Variants in RNF212B observed in about 807,000 individuals in gnomAD.
RNF212B encodes the protein ring finger protein 212B, also known as E3 ubiquitin-protein ligase RNF212B.
In RNF212B, 52 loss-of-function variants were observed where a neutral mutation model predicts 55.5. The observed-to-expected ratio is 0.94, with a 90% CI of 0.75 to 1.18. The LOEUF (loss-of-function observed/expected upper bound fraction) is 1.18, where lower values mean the gene tolerates loss of function less well. Ranked by LOEUF, RNF212B falls within the 50% of genes most tolerant of loss-of-function variation. RNF212B has a pLI of 0.00. For missense variants in RNF212B, 289 were observed against 350.4 expected (o/e 0.82, Z 1.40); for synonymous variants, 99 against 121.4 (o/e 0.82, Z 1.21).
intron 2 of RNF212B, among the ~76,000 whole-genome samples, chr14:23,232,791 G>GGC (rs1882798788): frequency 6.7e-6 from 1 of 149,448 alleles, no homozygotes; most frequent in Admixed American, 6.6e-5. Context: ...AGGTGGGGGG[G>GGC]GGGTCAGCCT....
intron 4 of RNF212B, among the ~76,000 whole-genome samples, chr14:23,247,840 G>GA (rs1222143032): frequency 6.6e-6 from 1 of 152,070 alleles, no homozygotes; most frequent in Non-Finnish European, 1.5e-5. Flanking sequence ...ACTTTTTTAG[G>GA]AACTGCCAGA....
upstream of RNF212B, among the ~76,000 whole-genome samples, chr14:23,236,615 T>G (rs1883121081): frequency 6.6e-6 from 1 of 152,160 alleles, no homozygotes; most frequent in South Asian, 2.1e-4. Context: ...CAAATAATAT[T>G]TAAAAATTTC....
At chr14:23,247,495 T>C (rs1314593724) in intron 4 of RNF212B, among the ~76,000 whole-genome samples, 1 of 150,460 alleles carries the variant, frequency 6.6e-6, no homozygotes, top group Non-Finnish European at 1.5e-5. Context: ...TTCATAAATA[T>C]GGAATCATAT....
At chr14:23,215,194 G>A (rs1005584988) in intron 2 of RNF212B, among the ~76,000 whole-genome samples, 10 of 151,910 alleles carry the variant, frequency 6.6e-5, no homozygotes, top group African/African-American at 1.9e-4. Context: ...CCACCCCTCT[G>A]CCTCTCCTGT....
chr14:23,252,968 G>T (rs1236220504), intron 4 of RNF212B, among the ~76,000 whole-genome samples: 1 of 152,086 alleles, frequency 6.6e-6, no homozygotes, highest in African/African-American at 2.4e-5. Flanking sequence ...AGCCAAGCAT[G>T]TAATTCTTGT....
At chr14:23,242,081 CAAAAAAAAAAA>C (rs58497672) in intron 2 of RNF212B, among the ~76,000 whole-genome samples, 1 of 36,644 alleles carries the variant, frequency 2.7e-5, no homozygotes, top group Non-Finnish European at 4.9e-5. Context: ...GACTCCGTCT[CAAAAAAAAAAA>C]AAAAAAAAAA....
chr14:23,208,971 G>T (rs915125100), intron 2 of RNF212B, among the ~76,000 whole-genome samples: 25 of 151,590 alleles, frequency 1.6e-4, no homozygotes, highest in African/African-American at 5.8e-4. Flanking sequence ...TGTTAGCCGG[G>T]ATGGTCTCGA....
Position 23,269,954 on chromosome 14 carries a change from A to C in RNF212B, c.766A>C (p.Asn256His). The C allele has an allele frequency of 6.6e-7, 1 of 1,525,888 alleles. No individual in the cohort carries two copies. Among genetic ancestry groups the C allele is most frequent in the Non-Finnish European group, 8.9e-7 (1 of 1,124,626 alleles). The allele number at this position is 1,525,888 out of a possible 1,614,324, so 94.5% of individuals were successfully genotyped here. Residue 256 changes from asparagine (N) to histidine (H), a missense_variant, in exon 13 of 15, where the codon AAT (asparagine) becomes CAT (histidine). Transcript: ENST00000430154. ...SGHTRVLTPN[N>H]FAQRESTTTL... Reference sequence around the variant, plus strand: ...CCACACAAGAGTCCTCACCCCCAACAATTTTGGTAAGTTAAATAACATTTC... The same window carrying C: ...CCACACAAGAGTCCTCACCCCCAACCATTTTGGTAAGTTAAATAACATTTC...
At chr14:23,230,653 CAAAAAAAAAA>C (rs60122483) in intron 2 of RNF212B, among the ~76,000 whole-genome samples, 4 of 74,002 alleles carry the variant, frequency 5.4e-5, no homozygotes, top group African/African-American at 1.4e-4. Context: ...GACTCCATCT[CAAAAAAAAAA>C]AAAAAAAAAA....
chr14:23,237,751 A>AT (rs1883219386), upstream of RNF212B, among the ~76,000 whole-genome samples: 1 of 151,892 alleles, frequency 6.6e-6, no homozygotes, highest in South Asian at 2.1e-4. Context: ...AGTGAGGTGA[A>AT]TTTTCCTGGG....
Position 23,250,482 on chromosome 14 carries a change from C to CAAA in RNF212B, c.228+6099_228+6101dup, listed in dbSNP as rs34825470. 3.3e-4 allele frequency among the ~76,000 whole-genome samples: 38 copies of CAAA among 116,710 alleles called. 1 individual carries two copies. The highest frequency in any genetic ancestry group is 1.3e-3 in the East Asian group (5 of 3,866). The allele number at this position is 116,710 out of a possible 152,430, so 76.6% of individuals were successfully genotyped here. A position where few individuals can be genotyped will look rare whatever the true frequency, so the allele number is the denominator to read the frequency against. On this transcript the variant is annotated intron_variant, in intron 4 of 14. Coordinates refer to ENST00000430154, the MANE Select transcript of RNF212B (RefSeq NM_001282322.3). ...TGGGTGACAGAGCGAGACTCTGTCTCAAAAAAAAAAAAAAAGACTGAATTA... is the reference window on the plus strand; with the variant it reads ...TGGGTGACAGAGCGAGACTCTGTCTCAAAAAAAAAAAAAAAAAAGACTGAATTA...
chr14:23,216,832 A>G (rs1333623880), intron 2 of RNF212B, among the ~76,000 whole-genome samples: 1 of 117,448 alleles, frequency 8.5e-6, no homozygotes, highest in African/African-American at 3.2e-5. Flanking sequence ...GTGAGCTGAG[A>G]TTGCCCTACT....
chr14:23,228,705 A>C (rs1566411895), intron 2 of RNF212B, among the ~76,000 whole-genome samples: 1 of 151,988 alleles, frequency 6.6e-6, no homozygotes, highest in East Asian at 1.9e-4. Context: ...AAGAACAAAG[A>C]GGATCAAGAC....
At chr14:23,265,291 T>G (rs1457539772) in intron 11 of RNF212B, among the ~76,000 whole-genome samples, 1 of 152,204 alleles carries the variant, frequency 6.6e-6, no homozygotes, top group Non-Finnish European at 1.5e-5. Flanking sequence ...ACAAGCTAAG[T>G]GTAAAAAGAA....
rs919339130 is a variant in RNF212B at position 23,232,935 on chromosome 14, A to G, written c.-1-7410A>G. Among the ~76,000 whole-genome samples, 11 of 152,276 alleles carry G rather than the reference A, an allele frequency of 7.2e-5. 1 individual carries two copies. The highest frequency in any genetic ancestry group is 2.6e-4 in the African/African-American group (11 of 41,592). ...CCCAACAGCTCATTGAGAACGGGCC[A>G]TGATGACGATGGTGGTTTTGTGGAA... On this transcript the variant is annotated intron_variant, in intron 2 of 15. Transcript: ENST00000399910.
At chr14:23,210,894 T>C (rs1244143302) in intron 2 of RNF212B, among the ~76,000 whole-genome samples, 1 of 151,376 alleles carries the variant, frequency 6.6e-6, no homozygotes, top group African/African-American at 2.4e-5. Flanking sequence ...AAATCTAAAA[T>C]TATTCCAAAA....
intron 2 of RNF212B, among the ~76,000 whole-genome samples, chr14:23,229,596 T>C (rs56149372): frequency 0.04 from 6,111 of 152,190 alleles, 151 homozygotes; most frequent in South Asian, 0.072. Context: ...TGTGAAATGA[T>C]ATTTCACTGT....
At chr14:23,271,166 C>T (rs1048612206) in intron 14 of RNF212B, among the ~76,000 whole-genome samples, 4 of 152,044 alleles carry the variant, frequency 2.6e-5, no homozygotes, top group East Asian at 1.9e-4. Flanking sequence ...TCACCGGGGG[C>T]GGTGGTACAT....
intron 2 of RNF212B, among the ~76,000 whole-genome samples, chr14:23,216,012 A>G (rs974015923): frequency 2.6e-5 from 4 of 152,178 alleles, no homozygotes; most frequent in Non-Finnish European, 1.5e-5. Context: ...TTGGGAGGCC[A>G]AGGCGGGCGG....
Sources: allele counts gnomAD v4.1 joint callset (sites outside exome capture counted in the v4.1 genomes callset), GRCh38; gene constraint gnomAD v4.1.1; transcripts MANE v1.5; gene names NCBI Gene and HGNC (gene_info 2026-07-23, HGNC 2026-07-21).